Variants in PJA2 observed in about 807,000 individuals in gnomAD.
The protein encoded by PJA2 is E3 ubiquitin-protein ligase Praja-2.
Under a neutral mutation model 69.3 loss-of-function variants are expected in PJA2, and 25 were observed. The observed-to-expected ratio is 0.36, with a 90% confidence interval of 0.26 to 0.50. PJA2 has a LOEUF of 0.50. Among genes scored for constraint, PJA2 ranks in the 20% least tolerant of loss-of-function variants. The probability of loss-of-function intolerance (pLI) is 0.96; values close to 1 mark genes in which losing one functional copy is unlikely to be tolerated. For synonymous variants in PJA2, 308 were observed against 277.8 expected, an observed-to-expected ratio of 1.11 and a Z score of -1.08; for missense variants, 809 against 830.2, an observed-to-expected ratio of 0.97 and a Z score of 0.31.
chr5:109,377,918 T>G (rs1004160664), intron 4 of PJA2, among the ~76,000 whole-genome samples: 1 of 152,138 alleles, frequency 6.6e-6, no homozygotes, highest in African/African-American at 2.4e-5. Context: ...TTATTTTACA[T>G]TTTATTAATT....
intron 7 of PJA2, among the ~76,000 whole-genome samples, chr5:109,350,767 AC>A (rs1315973157): frequency 5.9e-5 from 9 of 152,006 alleles, no homozygotes; most frequent in Non-Finnish European, 5.9e-5. Context: ...CACCTTCTAA[AC>A]CTCCACATTA....
At chr5:109,390,218 T>C (rs1202785509) in intron 1 of PJA2, among the ~76,000 whole-genome samples, 1 of 152,066 alleles carries the variant, frequency 6.6e-6, no homozygotes, top group African/African-American at 2.4e-5. Flanking sequence ...AATACAGATC[T>C]ACCTTTCTTT....
At chr5:109,345,639 A>T (rs936843935) in intron 7 of PJA2, among the ~76,000 whole-genome samples, 3 of 152,222 alleles carry the variant, frequency 2.0e-5, no homozygotes, top group Non-Finnish European at 4.4e-5. Flanking sequence ...CATGAAAGAA[A>T]ATAATAAACA....
At chr5:109,405,553 T>C (rs1295594866) in intron 1 of PJA2, among the ~76,000 whole-genome samples, 2 of 152,182 alleles carry the variant, frequency 1.3e-5, no homozygotes, top group Non-Finnish European at 2.9e-5. Flanking sequence ...CTGGCAAAAT[T>C]ATAGGCATAA....
chr5:109,359,866 T>C (rs929566247), intron 6 of PJA2, among the ~76,000 whole-genome samples: 7 of 152,218 alleles, frequency 4.6e-5, no homozygotes, highest in Non-Finnish European at 8.8e-5. Context: ...TACTGTGTTA[T>C]ATAACAAAAT....
chr5:109,342,802 G>A (rs1195714275), intron 9 of PJA2, among the ~76,000 whole-genome samples: 3 of 111,476 alleles, frequency 2.7e-5, no homozygotes, highest in East Asian at 2.7e-4. Context: ...CCCTCTGCCC[G>A]GCCAGCCGCC....
intron 9 of PJA2, among the ~76,000 whole-genome samples, chr5:109,343,020 T>C (rs1378113144): frequency 6.9e-5 from 7 of 101,692 alleles, no homozygotes; most frequent in East Asian, 4.4e-4. Flanking sequence ...CAACAGCTCA[T>C]TGAGAACGGG....
chr5:109,386,380 G>A (rs891972339), intron 1 of PJA2, among the ~76,000 whole-genome samples: 1 of 152,142 alleles, frequency 6.6e-6, no homozygotes, highest in Admixed American at 6.5e-5. Flanking sequence ...AGCATGGTTG[G>A]TGCAAATGCC....
In PJA2 at chr5:109,341,096, C is replaced by T. The variant is rs1194858262; in HGVS notation, c.2001+3094G>A. On this transcript the variant is annotated intron_variant, in intron 9 of 9. Transcript: ENST00000361189. ...GAAGTGAGGAGCGTCTCTGCCTGGCCACCCATCGTCTGGGATGTGAGGAGC... is the reference window on the plus strand; with the variant it reads ...GAAGTGAGGAGCGTCTCTGCCTGGCTACCCATCGTCTGGGATGTGAGGAGC... 2.1e-3 allele frequency among the ~76,000 whole-genome samples: 255 copies of T among 122,818 alleles called. 3 individuals are homozygous for T. The highest frequency in any genetic ancestry group is 7.2e-3 in the African/African-American group (248 of 34,630). The allele number at this position is 122,818 out of a possible 152,430, so 80.6% of individuals were successfully genotyped here.
chr5:109,369,935 G>C (rs1359658220), intron 4 of PJA2, among the ~76,000 whole-genome samples: 2 of 151,792 alleles, frequency 1.3e-5, no homozygotes, highest in Non-Finnish European at 2.9e-5. Flanking sequence ...GGGAGGCTGA[G>C]GCAGGAGTTC....
chr5:109,348,585 C>T (rs560530930), intron 7 of PJA2, among the ~76,000 whole-genome samples: 33 of 152,282 alleles, frequency 2.2e-4, no homozygotes, highest in African/African-American at 7.2e-4. Flanking sequence ...GCTTCCTCTG[C>T]TTGAAAACCC....
In PJA2 at chr5:109,409,962, CGGCGGCGGCGGT is replaced by C. The variant is rs1183005535; in HGVS notation, c.-220_-209del. On this transcript the variant is annotated 5_prime_UTR_variant, in exon 1 of 10. Coordinates refer to ENST00000361189, the MANE Select transcript of PJA2 (RefSeq NM_014819.5). ...GCGAAGCGGCTGGCGGCTGTGGCGG[CGGCGGCGGCGGT>C]GGCGGCGGCGGAAGCAGAGGCGGTG... The C allele has an allele frequency of 4.2e-5, 9 of 214,714 alleles. No homozygotes were observed. The highest frequency in any genetic ancestry group is 3.3e-4 in the East Asian group (2 of 6,046). 13.3% of individuals were successfully genotyped at this position (214,714 alleles called of 1,614,324 possible).
intron 5 of PJA2, among the ~76,000 whole-genome samples, chr5:109,363,774 A>C (rs935204329): frequency 1.3e-5 from 2 of 152,196 alleles, no homozygotes; most frequent in African/African-American, 4.8e-5. Flanking sequence ...CTAACTAAAC[A>C]GGAACAGAGA....
intron 9 of PJA2, among the ~76,000 whole-genome samples, chr5:109,342,764 C>T (rs1246161607): frequency 2.8e-4 from 36 of 127,750 alleles, no homozygotes; most frequent in East Asian, 1.9e-3. Context: ...CGCCTCTGCC[C>T]GGCCGCCCCT....
intron 2 of PJA2, 72 bp downstream of exon 2, chr5:109,383,331 A>C (rs1039638366): frequency 5.3e-6 from 7 of 1,328,010 alleles, no homozygotes; most frequent in Non-Finnish European, 7.6e-6. Flanking sequence ...ATCATATGTC[A>C]CTTACTGGTA....
In PJA2 at chr5:109,337,188, C is replaced by A. The variant is rs781060910; in HGVS notation, c.*43G>T. 4 of 1,560,370 alleles carry A rather than the reference C, an allele frequency of 2.6e-6. No individual in the cohort carries two copies. The Admixed American group carries it at 5.5e-5, about 22-fold the overall frequency. ...GCACATGAAATTTAGAAGGAATTTG[C>A]AGATTTACTTTGATACACTGATCTC... On this transcript the variant is annotated 3_prime_UTR_variant, in exon 10 of 10. Coordinates refer to ENST00000361189, the MANE Select transcript of PJA2 (RefSeq NM_014819.5).
At chr5:109,358,215 G>A (rs528573429) in intron 6 of PJA2, among the ~76,000 whole-genome samples, 13 of 152,328 alleles carry the variant, frequency 8.5e-5, no homozygotes, top group African/African-American at 2.9e-4. Context: ...CACCTGGCCC[G>A]CCCAGGGAGG....
At chr5:109,359,685 TAA>T (rs1762478642) in intron 6 of PJA2, among the ~76,000 whole-genome samples, 1 of 152,152 alleles carries the variant, frequency 6.6e-6, no homozygotes. Context: ...ACGTCCACAT[TAA>T]AAGAGACTAA....
intron 2 of PJA2, 79 bp downstream of exon 2, chr5:109,383,324 A>T (rs1322616404): frequency 1.6e-6 from 2 of 1,258,464 alleles, no homozygotes. Context: ...TCAGATGATC[A>T]TATGTCACTT....
Sources: gnomAD v4.1 joint callset for allele counts (sites outside exome capture counted in the v4.1 genomes callset) on GRCh38, gnomAD v4.1.1 for gene constraint, MANE v1.5 for transcripts, NCBI Gene and HGNC (gene_info 2026-07-23, HGNC 2026-07-21) for gene names.